The following ABTB3 variants were observed in gnomAD, a reference collection of about 807,000 sequenced individuals.
ABTB3 encodes ankyrin repeat- and BTB/POZ domain-containing protein 3.
the ABTB3 span, among the ~76,000 whole-genome samples, chr12:107,437,930 C>T: frequency 6.6e-6 from 1 of 152,196 alleles, no homozygotes; most frequent in African/African-American, 2.4e-5. Context: ...GGGTGGTTTG[C>T]CTTTTCTTGA....
the ABTB3 span, chr12:107,319,569 C>T: frequency 3.2e-6 from 5 of 1,542,240 alleles, no homozygotes; most frequent in African/African-American, 4.1e-5. Flanking sequence ...TGCGGCCTCA[C>T]CTTCTCCGTG....
chr12:107,469,954 T>TCTCTC, the ABTB3 span, among the ~76,000 whole-genome samples: 1 of 66,050 alleles, frequency 1.5e-5, no homozygotes, highest in Non-Finnish European at 2.7e-5. Flanking sequence ...CTTTCTTTCT[T>TCTCTC]TCTTTCTTTC....
chr12:107,610,476 G>A, the ABTB3 span: 9 of 1,085,420 alleles, frequency 8.3e-6, no homozygotes, highest in African/African-American at 6.3e-5. Flanking sequence ...CCCTACTGAC[G>A]GCTTAGATTG....
At chr12:107,657,496 C>G in the ABTB3 span, 1 of 1,612,150 alleles carries the variant, frequency 6.2e-7, no homozygotes, top group Non-Finnish European at 8.5e-7. Flanking sequence ...CATTTCCTCT[C>G]CACTCTCCAC....
chr12:107,497,767 T>C, the ABTB3 span, among the ~76,000 whole-genome samples: 3 of 152,220 alleles, frequency 2.0e-5, no homozygotes, highest in South Asian at 6.2e-4. Context: ...GAAGCCATTT[T>C]CTGCCCATCT....
chr12:107,650,170 G>A, the ABTB3 span: 1 of 152,162 alleles, frequency 6.6e-6, no homozygotes, highest in Non-Finnish European at 1.5e-5. Context: ...CTAAATCCAG[G>A]CTCCACTGCT....
chr12:107,645,281 C>A, the ABTB3 span, among the ~76,000 whole-genome samples: 2 of 152,248 alleles, frequency 1.3e-5, no homozygotes, highest in Non-Finnish European at 2.9e-5. Flanking sequence ...ATTCACATTT[C>A]TAACAAGAAC....
the ABTB3 span, among the ~76,000 whole-genome samples, chr12:107,616,846 T>G: frequency 6.6e-6 from 1 of 152,184 alleles, no homozygotes; most frequent in Non-Finnish European, 1.5e-5. Context: ...AGTCACCATT[T>G]CCCACAAGCT....
chr12:107,650,597 T>C, the ABTB3 span: 1 of 152,238 alleles, frequency 6.6e-6, no homozygotes, highest in South Asian at 2.1e-4. Context: ...TGGTGCAATT[T>C]CGGCTCACTG....
chr12:107,335,885 C>A, the ABTB3 span, among the ~76,000 whole-genome samples: 1 of 152,236 alleles, frequency 6.6e-6, no homozygotes, highest in Admixed American at 6.5e-5. Flanking sequence ...TGAGGAGAAC[C>A]AATATTGGTA....
At chr12:107,378,140 G>A in the ABTB3 span, among the ~76,000 whole-genome samples, 1 of 152,212 alleles carries the variant, frequency 6.6e-6, no homozygotes, top group Non-Finnish European at 1.5e-5. Context: ...AGATGATTCA[G>A]CTGTGGTCCC....
the ABTB3 span, among the ~76,000 whole-genome samples, chr12:107,352,381 G>A: frequency 1.3e-5 from 2 of 152,162 alleles, no homozygotes; most frequent in East Asian, 3.8e-4. Context: ...GAGTGCAGTG[G>A]GGAGGGAATA....
At chr12:107,408,077 G>A in the ABTB3 span, among the ~76,000 whole-genome samples, 1 of 151,992 alleles carries the variant, frequency 6.6e-6, no homozygotes, top group African/African-American at 2.4e-5. Flanking sequence ...ATGATAAACG[G>A]TCTCTTGCCG....
chr12:107,495,270 G>A, the ABTB3 span, among the ~76,000 whole-genome samples: 2 of 152,214 alleles, frequency 1.3e-5, no homozygotes, highest in African/African-American at 2.4e-5. Context: ...GCCTGTTGGG[G>A]GAAGCCAGGC....
chr12:107,420,371 G>T, the ABTB3 span, among the ~76,000 whole-genome samples: 3 of 152,146 alleles, frequency 2.0e-5, no homozygotes, highest in Non-Finnish European at 4.4e-5. Flanking sequence ...CACATGGCGG[G>T]GGAGGCCTCA....
the ABTB3 span, among the ~76,000 whole-genome samples, chr12:107,542,549 C>T: frequency 1.8e-3 from 273 of 152,150 alleles, no homozygotes; most frequent in African/African-American, 6.4e-3. Flanking sequence ...AAAAGGAAAA[C>T]GGGGCCAGAA....
chr12:107,472,821 A>G, the ABTB3 span, among the ~76,000 whole-genome samples: 1 of 152,188 alleles, frequency 6.6e-6, no homozygotes, highest in African/African-American at 2.4e-5. Context: ...AGATTTAAGC[A>G]TTGAGGGTCC....
At chr12:107,377,600 A>G in the ABTB3 span, among the ~76,000 whole-genome samples, 2 of 152,098 alleles carry the variant, frequency 1.3e-5, no homozygotes, top group African/African-American at 2.4e-5. Flanking sequence ...GTGACTGTCA[A>G]TCTAGCTCCT....
chr12:107,464,206 A>AGTGTGTGTGTGT, the ABTB3 span, among the ~76,000 whole-genome samples: 1 of 133,536 alleles, frequency 7.5e-6, no homozygotes, highest in Non-Finnish European at 1.6e-5. Context: ...ACATGTGAAG[A>AGTGTGTGTGTGT]GTGTGTGTGT....
Sources: allele counts gnomAD v4.1 joint callset (sites outside exome capture counted in the v4.1 genomes callset), GRCh38; gene constraint gnomAD v4.1.1; transcripts MANE v1.5; gene names NCBI Gene and HGNC (gene_info 2026-07-23, HGNC 2026-07-21).